Variants in PTPRD observed in about 807,000 individuals in gnomAD.
The protein encoded by PTPRD is protein tyrosine phosphatase receptor type D.
In PTPRD, 34 loss-of-function variants were observed where a neutral mutation model predicts 214.5. The observed-to-expected ratio is 0.16, with a 90% CI of 0.12 to 0.21. PTPRD has a LOEUF of 0.21. Among genes scored for constraint, PTPRD ranks in the 10% least tolerant of loss-of-function variants. PTPRD has a pLI of 1.00. For missense variants in PTPRD, 2,545 were observed against 2,398.7 expected (o/e 1.06, Z -1.27); for synonymous variants, 1,128 against 845.7 (o/e 1.33, Z -5.79).
At chr9:10,601,239 T>C (rs181095014) in intron 2 of PTPRD, among the ~76,000 whole-genome samples, 2 of 151,778 alleles carry the variant, frequency 1.3e-5, no homozygotes, top group Non-Finnish European at 3.0e-5. Flanking sequence ...TAGGTAGCCA[T>C]CCAAGTAATA....
At chr9:10,301,925 A>G (rs1349781577) in intron 3 of PTPRD, among the ~76,000 whole-genome samples, 1 of 152,172 alleles carries the variant, frequency 6.6e-6, no homozygotes, top group Non-Finnish European at 1.5e-5. Context: ...AGAGAACACC[A>G]CAAAGATACT....
intron 4 of PTPRD, among the ~76,000 whole-genome samples, chr9:9,968,653 C>A (rs1384274838): frequency 3.3e-5 from 5 of 152,036 alleles, no homozygotes; most frequent in Admixed American, 2.6e-4. Flanking sequence ...TTGTCAGTTC[C>A]TTTCTTTATG....
chr9:9,868,243 C>G (rs998010792), intron 5 of PTPRD, among the ~76,000 whole-genome samples: 1 of 152,036 alleles, frequency 6.6e-6, no homozygotes, highest in African/African-American at 2.4e-5. Context: ...CAAAACAAAC[C>G]TCTAATGTGA....
intron 5 of PTPRD, among the ~76,000 whole-genome samples, chr9:9,910,856 A>G (rs955504062): frequency 1.3e-5 from 2 of 152,054 alleles, no homozygotes; most frequent in Non-Finnish European, 2.9e-5. Context: ...TTCTGAGTTT[A>G]ATCACTCTAA....
intron 35 of PTPRD, among the ~76,000 whole-genome samples, chr9:8,426,613 G>T (rs753361540): frequency 6.6e-6 from 1 of 152,038 alleles, no homozygotes; most frequent in African/African-American, 2.4e-5. Context: ...TAGTTATAGA[G>T]AACTTGTATG....
At chr9:8,539,524 G>A (rs1001041341) in intron 14 of PTPRD, among the ~76,000 whole-genome samples, 14 of 151,726 alleles carry the variant, frequency 9.2e-5, no homozygotes, top group African/African-American at 3.1e-4. Context: ...AATAAAATAT[G>A]TAAAGAAAAA....
At chr9:8,629,181 T>G (rs2096159505) in intron 14 of PTPRD, among the ~76,000 whole-genome samples, 1 of 151,800 alleles carries the variant, frequency 6.6e-6, no homozygotes, top group African/African-American at 2.4e-5. Context: ...CAAAGTTGAT[T>G]AAATGGTTCC....
chr9:10,171,713 CG>C (rs1427151224), intron 3 of PTPRD, among the ~76,000 whole-genome samples: 1 of 152,000 alleles, frequency 6.6e-6, no homozygotes, highest in Non-Finnish European at 1.5e-5. Context: ...TTAGTAGAGA[CG>C]GGGTTTCACT....
At chr9:10,580,767 T>C (rs1176019026) in intron 2 of PTPRD, among the ~76,000 whole-genome samples, 7 of 152,148 alleles carry the variant, frequency 4.6e-5, no homozygotes, top group Admixed American at 3.3e-4. Flanking sequence ...AAAACATGGG[T>C]AGTACACCTA....
At chr9:10,506,413 A>G (rs1274622588) in intron 2 of PTPRD, among the ~76,000 whole-genome samples, 1 of 152,090 alleles carries the variant, frequency 6.6e-6, no homozygotes, top group Non-Finnish European at 1.5e-5. Flanking sequence ...CCATTAATGT[A>G]CTTGTATTCA....
intron 2 of PTPRD, among the ~76,000 whole-genome samples, chr9:10,486,020 C>G (rs2099130625): frequency 7.4e-6 from 1 of 134,534 alleles, no homozygotes; most frequent in East Asian, 2.2e-4. Context: ...CTTTTTCCCA[C>G]TTTTTGATGT....
chr9:9,020,914 C>T (rs113474491), intron 10 of PTPRD, among the ~76,000 whole-genome samples: 11 of 152,170 alleles, frequency 7.2e-5, no homozygotes, highest in South Asian at 2.1e-4. Context: ...GAGTGAAAAG[C>T]GGTTCTAGGG....
chr9:10,389,302 G>A (rs539508086), intron 2 of PTPRD, among the ~76,000 whole-genome samples: 15 of 151,964 alleles, frequency 9.9e-5, no homozygotes, highest in African/African-American at 2.6e-4. Flanking sequence ...TGCTCCCAGT[G>A]TGAGAATTAC....
intron 5 of PTPRD, among the ~76,000 whole-genome samples, chr9:9,903,323 C>T (rs937185266): frequency 1.3e-5 from 2 of 152,050 alleles, no homozygotes; most frequent in African/African-American, 2.4e-5. Flanking sequence ...ACTTTAGATG[C>T]TTAAAGACCA....
At chr9:9,295,050 T>C (rs1438289687) in intron 9 of PTPRD, among the ~76,000 whole-genome samples, 1 of 151,724 alleles carries the variant, frequency 6.6e-6, no homozygotes, top group Admixed American at 6.6e-5. Flanking sequence ...ATTTTTAAAA[T>C]TATCTTAACC....
At position 9,518,786 on chromosome 9, in the gene PTPRD, A is replaced by G. The variant is rs368437718; in HGVS notation, c.-237+55946T>C. Among the ~76,000 whole-genome samples the G allele has an allele frequency of 1.1e-4, 16 of 152,174 alleles. No individual in the cohort carries two copies. In the South Asian group the frequency reaches 3.1e-3, roughly 30 times the overall value. On this transcript the variant is annotated intron_variant, in intron 8 of 45. Transcript: ENST00000381196. ...TTCTAAGACAGAAGAAAAGCATAAG[A>G]AAAACAAGTAAGAAAGATTCACCTA...
intron 3 of PTPRD, among the ~76,000 whole-genome samples, chr9:10,055,016 T>C (rs366864): frequency 0.64 from 97,101 of 151,608 alleles, 31,691 homozygotes; most frequent in East Asian, 0.85. Flanking sequence ...GATCAGTGTT[T>C]TCTCTCTTTC....
At chr9:9,170,630 A>G (rs1336179371) in intron 10 of PTPRD, among the ~76,000 whole-genome samples, 2 of 152,208 alleles carry the variant, frequency 1.3e-5, no homozygotes, top group Non-Finnish European at 1.5e-5. Flanking sequence ...ATGGAAGGCA[A>G]GAAGCAGTTT....
chr9:9,487,747 C>T (rs1178474728), intron 8 of PTPRD, among the ~76,000 whole-genome samples: 1 of 152,076 alleles, frequency 6.6e-6, no homozygotes, highest in Non-Finnish European at 1.5e-5. Flanking sequence ...TTGATATAGA[C>T]TTTGATTCTT....
Sources: allele counts gnomAD v4.1 joint callset (sites outside exome capture counted in the v4.1 genomes callset), GRCh38; gene constraint gnomAD v4.1.1; transcripts MANE v1.5; gene names NCBI Gene and HGNC (gene_info 2026-07-23, HGNC 2026-07-21).